FRK: variants seen among roughly 807,000 people sequenced by gnomAD.
FRK encodes fyn related Src family tyrosine kinase.
In FRK, 51 loss-of-function variants were observed where a neutral mutation model predicts 56.4. The observed-to-expected ratio is 0.90, with a 90% CI of 0.72 to 1.14. The LOEUF (loss-of-function observed/expected upper bound fraction) is 1.14. Among genes scored for constraint, FRK ranks in the 50% most tolerant of loss-of-function variants. The pLI is 0.00. For missense variants in FRK, 570 were observed against 601.4 expected (o/e 0.95, Z 0.55); for synonymous variants, 245 against 217.9 (o/e 1.12, Z -1.10).
At position 115,942,625 on chromosome 6, in the gene FRK, C is replaced by A. The variant is rs780534370; in HGVS notation, c.1307G>T (p.Gly436Val). The change falls in exon 8 of 8, where the codon GGT (glycine) becomes GTT (valine). Residue 436 changes from glycine to valine, a missense_variant and splice_region_variant. Physicochemically the swap from Gly to Val is moderately radical, Grantham distance 109. Coordinates refer to ENST00000606080, the MANE Select transcript of FRK (RefSeq NM_002031.3). ...IITYGKMPYS[G>V]MTGAQVIQML... ...CTGGATTACCTGGGCACCTGTCATA[C>A]CTTGAAAATACAGAACGAAACCAAC... is the stretch of plus-strand genomic sequence containing the variant. 3 of 1,611,998 alleles carry A rather than the reference C, an allele frequency of 1.9e-6. No homozygotes were observed. The highest frequency in any genetic ancestry group is 2.2e-5 in the South Asian group (2 of 90,988).
At position 116,017,566 on chromosome 6, in the gene FRK, C is replaced by T. The variant is rs544906871; in HGVS notation, c.345-13568G>A. Among the ~76,000 whole-genome samples, 6 of 152,244 alleles carry T rather than the reference C, an allele frequency of 3.9e-5. 1 individual carries two copies. In the South Asian group the frequency reaches 6.2e-4, roughly 16 times the overall value. On this transcript the variant is annotated intron_variant, in intron 1 of 7. Coordinates refer to ENST00000606080, the MANE Select transcript of FRK (RefSeq NM_002031.3). ...TTAAACTCTGCTAAGTTTAATTTGT[C>T]GAGGTTTTTCTTTTATCACTACCTA...
intron 2 of FRK, among the ~76,000 whole-genome samples, chr6:115,987,622 G>C (rs1233745944): frequency 6.6e-6 from 1 of 151,914 alleles, no homozygotes; most frequent in Non-Finnish European, 1.5e-5. Context: ...TTTCCTATAC[G>C]GGTGTCTCTT....
chr6:116,007,785 C>G (rs1048991861), intron 1 of FRK, among the ~76,000 whole-genome samples: 1 of 152,062 alleles, frequency 6.6e-6, no homozygotes, highest in Non-Finnish European at 1.5e-5. Flanking sequence ...AATCTTCAAC[C>G]ATCCAGGCAA....
chr6:115,991,350 G>C (rs1020725543), intron 2 of FRK, among the ~76,000 whole-genome samples: 1 of 151,816 alleles, frequency 6.6e-6, no homozygotes, highest in African/African-American at 2.4e-5. Context: ...TTTTGTTCCA[G>C]TTCTTAGAAA....
chr6:116,009,295 C>T (rs1048539207), intron 1 of FRK, among the ~76,000 whole-genome samples: 4 of 152,164 alleles, frequency 2.6e-5, no homozygotes, highest in African/African-American at 9.7e-5. Flanking sequence ...CAGCTTTAGG[C>T]TAATACTTGT....
rs1011819759 is a variant in FRK, at chr6:115,955,571, C to T, written c.958+881G>A. On this transcript the variant is annotated intron_variant, in intron 5 of 7. Coordinates refer to ENST00000606080, the MANE Select transcript of FRK (RefSeq NM_002031.3). ...TCTGTTTTTAACAGCATTCAACAGG[C>T]CTTATTATGTTCTTTGTTATTCTTA... 3.9e-5 allele frequency among the ~76,000 whole-genome samples: 6 copies of T among 152,158 alleles called. No homozygotes were observed. The South Asian group carries it at 1.2e-3, about 32-fold the overall frequency.
At chr6:116,006,816 A>G (rs1278248533) in intron 1 of FRK, among the ~76,000 whole-genome samples, 2 of 152,168 alleles carry the variant, frequency 1.3e-5, no homozygotes, top group East Asian at 1.9e-4. Context: ...CCTGGGTGAC[A>G]TAGAAAGATT....
At chr6:116,056,483 T>G (rs1466654542) in intron 1 of FRK, among the ~76,000 whole-genome samples, 1 of 152,148 alleles carries the variant, frequency 6.6e-6, no homozygotes. Context: ...CAAAAAAACT[T>G]TTTAAACTCT....
chr6:115,960,367 T>C (rs1438730834), intron 4 of FRK, among the ~76,000 whole-genome samples: 1 of 151,470 alleles, frequency 6.6e-6, no homozygotes, highest in Non-Finnish European at 1.5e-5. Flanking sequence ...CACTAGACTA[T>C]ATCCCACACC....
At chr6:115,989,682 CATTG>C (rs1339842760) in intron 2 of FRK, among the ~76,000 whole-genome samples, 8 of 151,806 alleles carry the variant, frequency 5.3e-5, no homozygotes, top group African/African-American at 1.9e-4. Context: ...TTTATTCAAC[CATTG>C]ATTGACACTT....
At chr6:115,945,670 C>G (rs1772412644) in intron 5 of FRK, among the ~76,000 whole-genome samples, 1 of 152,048 alleles carries the variant, frequency 6.6e-6, no homozygotes, top group Non-Finnish European at 1.5e-5. Flanking sequence ...TAAAAACTAG[C>G]CCACTAACAC....
chr6:115,988,736 TC>T (rs112544420), intron 2 of FRK, among the ~76,000 whole-genome samples: 13 of 152,136 alleles, frequency 8.5e-5, no homozygotes, highest in African/African-American at 3.1e-4. Flanking sequence ...TACTTGGACT[TC>T]ATTTCACATT....
At chr6:116,047,103 C>T (rs1776993799) in intron 1 of FRK, among the ~76,000 whole-genome samples, 1 of 151,574 alleles carries the variant, frequency 6.6e-6, no homozygotes, top group African/African-American at 2.4e-5. Flanking sequence ...GGACTGAACT[C>T]ATTCTTCCCA....
intron 2 of FRK, among the ~76,000 whole-genome samples, chr6:115,972,645 G>C (rs1036728495): frequency 6.6e-6 from 1 of 152,094 alleles, no homozygotes; most frequent in East Asian, 1.9e-4. Context: ...CAATTCCTTT[G>C]TCAACTGTGA....
chr6:116,045,593 T>G (rs147489170), intron 1 of FRK, among the ~76,000 whole-genome samples: 1,907 of 152,282 alleles, frequency 0.013, 11 homozygotes, highest in Middle Eastern at 0.024. Context: ...TCAAGATGCA[T>G]TAAAGACTTA....
chr6:116,099,847 G>A, the FRK span, among the ~76,000 whole-genome samples: 1 of 152,212 alleles, frequency 6.6e-6, no homozygotes, highest in Non-Finnish European at 1.5e-5. Context: ...CCTTTAAATT[G>A]AGAACTGAAG....
Position 115,939,044 on chromosome 6 carries a change from T to G in FRK, c.*3370A>C, listed in dbSNP as rs921346290. 6.7e-6 allele frequency: 1 copy of G among 148,736 alleles called. No individual in the cohort carries two copies. The highest frequency in any genetic ancestry group is 1.5e-5 in the Non-Finnish European group (1 of 67,392). The allele number at this position is 148,736 out of a possible 1,614,324, so 9.2% of individuals were successfully genotyped here. A position where few individuals can be genotyped will look rare whatever the true frequency, so the allele number is the denominator to read the frequency against. On this transcript the variant is annotated 3_prime_UTR_variant, in exon 8 of 8. Transcript: ENST00000606080. ...AACAAAAAAAAAAAAAGAGAGAAAATTTCAGGCCAGTATCCCTGACGAACA... is the reference window on the plus strand; with the variant it reads ...AACAAAAAAAAAAAAAGAGAGAAAAGTTCAGGCCAGTATCCCTGACGAACA...
chr6:116,027,521 C>A (rs1009817418), intron 1 of FRK, among the ~76,000 whole-genome samples: 2 of 151,928 alleles, frequency 1.3e-5, no homozygotes, highest in Non-Finnish European at 2.9e-5. Context: ...CTAGGCACAA[C>A]AATGTAAATT....
At chr6:116,049,720 T>C (rs990137349) in intron 1 of FRK, among the ~76,000 whole-genome samples, 2 of 152,198 alleles carry the variant, frequency 1.3e-5, no homozygotes, top group African/African-American at 4.8e-5. Flanking sequence ...CATAGGATAA[T>C]AATATAAGAC....
Sources: allele counts gnomAD v4.1 joint callset (sites outside exome capture counted in the v4.1 genomes callset), GRCh38; gene constraint gnomAD v4.1.1; transcripts MANE v1.5; gene names NCBI Gene and HGNC (gene_info 2026-07-23, HGNC 2026-07-21).